Variants in KCNC1 observed in about 807,000 individuals in gnomAD.
KCNC1 encodes the protein voltage-gated potassium channel KCNC1.
In KCNC1, 8 loss-of-function variants were observed where a neutral mutation model predicts 43.4. That is an observed-to-expected ratio of 0.18 (90% CI 0.11 to 0.33). KCNC1 has a LOEUF of 0.33. KCNC1 is among the 10% of genes least tolerant of loss of function. The pLI, the probability that KCNC1 is intolerant of heterozygous loss-of-function variation, is 1.00. For synonymous variants in KCNC1, 361 were observed against 360.5 expected, an observed-to-expected ratio of 1.00 and a Z score of -0.01; for missense variants, 420 against 836.0, an observed-to-expected ratio of 0.50 and a Z score of 6.14.
rs1320736428 is a variant in KCNC1 at position 17,773,533 on chromosome 11, C to A, written c.1504+935C>A. On this transcript the variant is annotated intron_variant, in intron 2 of 3. Coordinates refer to ENST00000265969, the MANE Select transcript of KCNC1 (RefSeq NM_001112741.2). The surrounding 1 kb of genome is among the most constrained non-coding windows in gnomAD (Gnocchi z 4.1). ...ATAGACATCCCAACCAGTGTACAAC[C>A]ACTTTCCCGTGAATTCACTGGGGGC... 8 of 983,556 alleles carry A rather than the reference C, an allele frequency of 8.1e-6. No homozygotes were observed. The highest frequency in any genetic ancestry group is 9.6e-6 in the Non-Finnish European group (8 of 829,474). 60.9% of individuals were successfully genotyped at this position (983,556 alleles called of 1,614,324 possible). A position where few individuals can be genotyped will look rare whatever the true frequency, so the allele number is the denominator to read the frequency against.
chr11:17,756,448 G>A (rs1336317488), intron 1 of KCNC1, among the ~76,000 whole-genome samples: 1 of 151,788 alleles, frequency 6.6e-6, no homozygotes, highest in African/African-American at 2.4e-5. Context: ...GACACAGGTG[G>A]GCAGTCAACT....
intron 1 of KCNC1, among the ~76,000 whole-genome samples, chr11:17,768,934 A>G (rs954526484): frequency 6.6e-6 from 1 of 152,166 alleles, no homozygotes; most frequent in Non-Finnish European, 1.5e-5. Context: ...AGCCTTGGCA[A>G]CTCTGGTGAT....
rs376759369 is a variant in KCNC1, at chr11:17,772,871, AG to A, written c.1504+275del. On this transcript the variant is annotated intron_variant, in intron 2 of 3. Coordinates refer to ENST00000265969, the MANE Select transcript of KCNC1 (RefSeq NM_001112741.2). ...TTCTGAAGAGACAACGCGGCCCGCCAGGTTGCTGAGGACTAACTTAGCAGGA... is the reference window on the plus strand; with the variant it reads ...TTCTGAAGAGACAACGCGGCCCGCCAGTTGCTGAGGACTAACTTAGCAGGA... 4 of 1,306,652 alleles carry A rather than the reference AG, an allele frequency of 3.1e-6. No individual in the cohort carries two copies. In the African/African-American group the frequency reaches 4.5e-5, roughly 15 times the overall value. 80.9% of individuals were successfully genotyped at this position (1,306,652 alleles called of 1,614,324 possible). A position where few individuals can be genotyped will look rare whatever the true frequency, so the allele number is the denominator to read the frequency against.
In KCNC1 at chr11:17,781,525, C is replaced by A; in HGVS notation, c.1694-145C>A. On this transcript the variant is annotated intron_variant, in intron 3 of 3. Coordinates refer to ENST00000265969, the MANE Select transcript of KCNC1 (RefSeq NM_001112741.2). This position sits in a 1 kb window ranked among gnomAD's most constrained non-coding sequence, Gnocchi z 5.1. Reference sequence around the variant, plus strand: ...GTGCTAGGCTGGCTCAGTGCATGGGCAAACCAAGCCAGCTGGAGAAGAATC... The same window carrying A: ...GTGCTAGGCTGGCTCAGTGCATGGGAAAACCAAGCCAGCTGGAGAAGAATC... The A allele has an allele frequency of 1.5e-6, 1 of 653,800 alleles. No individual in the cohort carries two copies. The highest frequency in any genetic ancestry group is 2.7e-6 in the Non-Finnish European group (1 of 366,802). The allele number at this position is 653,800 out of a possible 1,614,324, so 40.5% of individuals were successfully genotyped here.
At chr11:17,743,904 G>A (rs558884799) in intron 1 of KCNC1, among the ~76,000 whole-genome samples, 2 of 152,330 alleles carry the variant, frequency 1.3e-5, no homozygotes, top group Non-Finnish European at 2.9e-5. Flanking sequence ...TGGGAGTGAG[G>A]GGTATGCACT....
At position 17,776,695 on chromosome 11, in the gene KCNC1, G is replaced by C. The variant is rs1849291814; in HGVS notation, c.1505-2761G>C. The stretch of plus-strand genomic sequence containing the variant: ...CAGGGCCCCCAGCCTCTGGAAAGCA[G>C]GTGGGAATGGAGGCTCCTAGCCACT... On this transcript the variant is annotated intron_variant, in intron 2 of 3. Transcript: ENST00000265969. The surrounding 1 kb of genome is among the most constrained non-coding windows in gnomAD (Gnocchi z 4.4). 1 of 985,338 alleles carries C rather than the reference G, an allele frequency of 1.0e-6. No individual in the cohort carries two copies. The highest frequency in any genetic ancestry group is 1.2e-6 in the Non-Finnish European group (1 of 829,952). 61.0% of individuals were successfully genotyped at this position (985,338 alleles called of 1,614,324 possible).
chr11:17,773,570 AG>A lies in KCNC1; in HGVS notation c.1504+978del, dbSNP rs1283736796. 61 of 761,520 alleles carry A rather than the reference AG, an allele frequency of 8.0e-5. No individual in the cohort carries two copies. The highest frequency in any genetic ancestry group is 2.8e-4 in the East Asian group (2 of 7,242). The allele number at this position is 761,520 out of a possible 1,614,324, so 47.2% of individuals were successfully genotyped here. ...AATTCACTGGGGGCCGGGAGGGGGG[AG>A]GGGGGCATGAAACAATACTAGTCAC... On this transcript the variant is annotated intron_variant, in intron 2 of 3. Coordinates refer to ENST00000265969, the MANE Select transcript of KCNC1 (RefSeq NM_001112741.2). This position sits in a 1 kb window ranked among gnomAD's most constrained non-coding sequence, Gnocchi z 4.1.
At chr11:17,763,571 TACACAC>T (rs148784935) in intron 1 of KCNC1, among the ~76,000 whole-genome samples, 1 of 78,338 alleles carries the variant, frequency 1.3e-5, no homozygotes, top group East Asian at 4.5e-4. Context: ...ACACATGCAA[TACACAC>T]ACACACACAC....
At position 17,781,121 on chromosome 11, in the gene KCNC1, T is replaced by C. The variant is rs1849340599; in HGVS notation, c.1694-549T>C. On this transcript the variant is annotated intron_variant, in intron 3 of 3. Coordinates refer to ENST00000265969, the MANE Select transcript of KCNC1 (RefSeq NM_001112741.2). The surrounding 1 kb of genome is among the most constrained non-coding windows in gnomAD (Gnocchi z 5.1). Reference sequence around the variant, plus strand: ...GGCTTTCTGTCTCCATCATCTTGAATGTTAGACTGATTGGTGTGGCCCCAA... The same window carrying C: ...GGCTTTCTGTCTCCATCATCTTGAACGTTAGACTGATTGGTGTGGCCCCAA... 6.6e-6 allele frequency: 1 copy of C among 152,398 alleles called. No individual in the cohort carries two copies. The highest frequency in any genetic ancestry group is 6.5e-5 in the Admixed American group (1 of 15,284). The allele number at this position is 152,398 out of a possible 1,614,324, so 9.4% of individuals were successfully genotyped here. A position where few individuals can be genotyped will look rare whatever the true frequency, so the allele number is the denominator to read the frequency against.
chr11:17,739,612 C>A lies in KCNC1; in HGVS notation c.570+3040C>A, dbSNP rs182820847. Among the ~76,000 whole-genome samples, 336 of 148,556 alleles carry A rather than the reference C, an allele frequency of 2.3e-3. 2 individuals carry two copies. The highest frequency in any genetic ancestry group is 4.3e-3 in the South Asian group (20 of 4,664). ...GTGAGAGTCGAGGTGAGTGTGTCTG[C>A]GTGAGTGTGTGGCTGTGTGTGGCAA... On this transcript the variant is annotated intron_variant, in intron 1 of 3. Coordinates refer to ENST00000265969, the MANE Select transcript of KCNC1 (RefSeq NM_001112741.2). The surrounding 1 kb of genome is among the most constrained non-coding windows in gnomAD (Gnocchi z 4.2).
In KCNC1 at chr11:17,777,023, G is replaced by A; in HGVS notation, c.1505-2433G>A. ...CTAGGGGTGTCCCGGGAATCCCCCA[G>A]GAGGGAAAGGTGCCAGGCTATCATC... On this transcript the variant is annotated intron_variant, in intron 2 of 3. Coordinates refer to ENST00000265969, the MANE Select transcript of KCNC1 (RefSeq NM_001112741.2). The surrounding 1 kb of genome is among the most constrained non-coding windows in gnomAD (Gnocchi z 4.3). The A allele has an allele frequency of 1.0e-6, 1 of 985,428 alleles. No homozygotes were observed. The highest frequency in any genetic ancestry group is 1.2e-6 in the Non-Finnish European group (1 of 829,958). 61.0% of individuals were successfully genotyped at this position (985,428 alleles called of 1,614,324 possible).
At chr11:17,778,340 C>T (rs1318597388) in intron 2 of KCNC1, among the ~76,000 whole-genome samples, 1 of 152,214 alleles carries the variant, frequency 6.6e-6, no homozygotes. Flanking sequence ...GGCTTCTTCT[C>T]AGGCTGCCAC....
In KCNC1 at chr11:17,773,680, A is replaced by G; in HGVS notation, c.1504+1082A>G. The stretch of plus-strand genomic sequence containing the variant: ...TATGAGAACCTGCACATAGCACATA[A>G]AGTTGATCATGGGGCTCTGGTCCGA... On this transcript the variant is annotated intron_variant, in intron 2 of 3. Transcript: ENST00000265969. This position sits in a 1 kb window ranked among gnomAD's most constrained non-coding sequence, Gnocchi z 4.1. 1.0e-6 allele frequency: 1 copy of G among 985,394 alleles called. No homozygotes were observed. Among genetic ancestry groups the G allele is most frequent in the Non-Finnish European group, 1.2e-6 (1 of 829,920 alleles). The allele number at this position is 985,394 out of a possible 1,614,324, so 61.0% of individuals were successfully genotyped here. A position where few individuals can be genotyped will look rare whatever the true frequency, so the allele number is the denominator to read the frequency against.
intron 1 of KCNC1, among the ~76,000 whole-genome samples, chr11:17,737,199 G>A (rs1479231353): frequency 6.6e-6 from 1 of 150,576 alleles, no homozygotes; most frequent in East Asian, 2.0e-4. Context: ...TTGGAAGTTG[G>A]TGGAGGGCTG....
chr11:17,745,080 G>A (rs1459392955), intron 1 of KCNC1, among the ~76,000 whole-genome samples: 2 of 152,106 alleles, frequency 1.3e-5, no homozygotes, highest in Admixed American at 6.5e-5. Context: ...CCCTGAAACC[G>A]ATTCAGAATC....
intron 1 of KCNC1, among the ~76,000 whole-genome samples, chr11:17,751,843 C>T (rs1232816610): frequency 2.0e-5 from 3 of 152,152 alleles, no homozygotes; most frequent in African/African-American, 7.2e-5. Flanking sequence ...GTGAGAGAGT[C>T]TGTGGTTTCA....
Position 17,736,444 on chromosome 11 carries a change from G to T in KCNC1, c.442G>T (p.Glu148Ter). ...TGGCGACTCGGGCGACGGCGAGGACGAGCTGGAGATGACCAAGCGCCTGGC... is the reference window on the plus strand; with the variant it reads ...TGGCGACTCGGGCGACGGCGAGGACTAGCTGGAGATGACCAAGCGCCTGGC... Reference protein sequence around the residue: ...GPGDSGDGEDELEMTKRLALS... With the variant: ...GPGDSGDGED Residue 148 changes from glutamate (E) to a stop codon, truncating the protein, a stop_gained, in exon 1 of 4, where the codon GAG becomes TAG. Coordinates refer to ENST00000265969, the MANE Select transcript of KCNC1 (RefSeq NM_001112741.2). LOFTEE classifies it high-confidence loss of function. The surrounding 1 kb of genome is among the most constrained non-coding windows in gnomAD (Gnocchi z 9.3). 6.2e-7 allele frequency: 1 copy of T among 1,605,144 alleles called. No homozygotes were observed. Among genetic ancestry groups the T allele is most frequent in the Non-Finnish European group, 8.5e-7 (1 of 1,178,078 alleles).
At position 17,779,651 on chromosome 11, in the gene KCNC1, A is replaced by G; in HGVS notation, c.1693+7A>G. 1 of 1,526,952 alleles carries G rather than the reference A, an allele frequency of 6.5e-7. No individual in the cohort carries two copies. The allele number at this position is 1,526,952 out of a possible 1,614,324, so 94.6% of individuals were successfully genotyped here. On this transcript the variant is annotated splice_region_variant and intron_variant, in intron 3 of 3. Coordinates refer to ENST00000265969, the MANE Select transcript of KCNC1 (RefSeq NM_001112741.2). The surrounding 1 kb of genome is among the most constrained non-coding windows in gnomAD (Gnocchi z 7.2). ...GGTGGAGGAATGAGAAAGGGTATGT[A>G]GAGGAAGCTGGAGCACCGTGCATCG...
In KCNC1 at chr11:17,736,632, C is replaced by G. The variant is rs911736256; in HGVS notation, c.570+60C>G. On this transcript the variant is annotated intron_variant, in intron 1 of 3. Transcript: ENST00000265969. The surrounding 1 kb of genome is among the most constrained non-coding windows in gnomAD (Gnocchi z 9.3). ...GGGAAGGCAGCGTCCTGTGCCTCCC[C>G]GCGGGCAGGGGTGGACCGGAGAACT... is the stretch of plus-strand genomic sequence containing the variant. 6.9e-7 allele frequency: 1 copy of G among 1,446,604 alleles called. No individual in the cohort carries two copies. Among genetic ancestry groups the G allele is most frequent in the Non-Finnish European group, 9.0e-7 (1 of 1,106,750 alleles). The allele number at this position is 1,446,604 out of a possible 1,614,324, so 89.6% of individuals were successfully genotyped here. A position where few individuals can be genotyped will look rare whatever the true frequency, so the allele number is the denominator to read the frequency against.
Sources: gnomAD v4.1 joint callset for allele counts (sites outside exome capture counted in the v4.1 genomes callset) on GRCh38, gnomAD v4.1.1 for gene constraint, Gnocchi (gnomAD v3.1) non-coding constraint, MANE v1.5 for transcripts, NCBI Gene and HGNC (gene_info 2026-07-23, HGNC 2026-07-21) for gene names.